The following MYH9 variants were observed in gnomAD, a reference collection of about 807,000 sequenced individuals.
The protein encoded by MYH9 is myosin-9.
MYH9 carries 29 observed loss-of-function variants against 241.9 expected under a neutral mutation model. That is an observed-to-expected ratio of 0.12 (90% CI 0.09 to 0.16). The LOEUF is 0.16. Ranked by LOEUF, MYH9 falls within the 10% of genes least tolerant of loss-of-function variation. The pLI, the probability that MYH9 is intolerant of heterozygous loss-of-function variation, is 1.00. For synonymous variants in MYH9, 1,047 were observed against 1,062.6 expected (o/e 0.99, Z 0.29); for missense variants, 1,803 against 2,595.5 (o/e 0.69, Z 6.63).
At chr22:36,343,046 G>A (rs1569536516) in intron 2 of MYH9, among the ~76,000 whole-genome samples, 1 of 152,202 alleles carries the variant, frequency 6.6e-6, no homozygotes, top group Non-Finnish European at 1.5e-5. Context: ...CCCTCCACCT[G>A]TGCCCTCTCC....
Position 36,302,641 on chromosome 22 carries a change from A to G in MYH9, c.2426T>C (p.Met809Thr). 6.2e-7 allele frequency: 1 copy of G among 1,613,552 alleles called. No individual in the cohort carries two copies. The part of the protein sequence containing the change: ...FAKRQQQLTA[M>T]KVLQRNCAAY... Reference sequence around the variant, plus strand: ...AGCGCAGTTCCGCTGGAGGACCTTCATGGCGGTAAGCTGCTGCTGCCGCTT... The same window carrying G: ...AGCGCAGTTCCGCTGGAGGACCTTCGTGGCGGTAAGCTGCTGCTGCCGCTT... The change falls in exon 20 of 41, where the codon ATG becomes ACG. Residue 809 changes from methionine to threonine, a missense_variant. Around this residue, in one of 11 missense-constraint regions of MYH9, gnomAD observed 72 missense variants for 83.3 expected, o/e 0.86. Coordinates refer to ENST00000216181, the MANE Select transcript of MYH9 (RefSeq NM_002473.6).
At position 36,282,542 on chromosome 22, in the gene MYH9, C is replaced by A. The variant is rs561715728; in HGVS notation, c.*126G>T. 1.1e-6 allele frequency: 1 copy of A among 909,548 alleles called. No homozygotes were observed. The highest frequency in any genetic ancestry group is 1.3e-5 in the South Asian group (1 of 77,198). 56.3% of individuals were successfully genotyped at this position (909,548 alleles called of 1,614,324 possible). ...AGGGAAACGGGATGGGGGGACGGGG[C>A]GGAGGGCAGGAGGAGGCATGTTCAC... is the stretch of plus-strand genomic sequence containing the variant. On this transcript the variant is annotated 3_prime_UTR_variant, in exon 41 of 41. Transcript: ENST00000216181.
At chr22:36,312,537 G>A (rs1287092697) in intron 13 of MYH9, among the ~76,000 whole-genome samples, 1 of 152,174 alleles carries the variant, frequency 6.6e-6, no homozygotes, top group Non-Finnish European at 1.5e-5. Context: ...AGTGCACTGG[G>A]GTCTGCCCAG....
intron 1 of MYH9, among the ~76,000 whole-genome samples, chr22:36,367,059 ACT>A (rs2018021788): frequency 6.6e-6 from 1 of 152,124 alleles, no homozygotes; most frequent in Admixed American, 6.5e-5. Context: ...GCTCGCAGAG[ACT>A]CTGCAGTGCG....
In MYH9 at chr22:36,306,353, C is replaced by T; in HGVS notation, c.2037+61G>A. 7 of 1,600,110 alleles carry T rather than the reference C, an allele frequency of 4.4e-6. No homozygotes were observed. The highest frequency in any genetic ancestry group is 6.0e-6 in the Non-Finnish European group (7 of 1,171,092). ...GGGGTGCTTTTGCTGGGGAGACAGA[C>T]AAGGGCTGAGCACCCCACACCACAG... is the stretch of plus-strand genomic sequence containing the variant. On this transcript the variant is annotated intron_variant, in intron 16 of 40. Coordinates refer to ENST00000216181, the MANE Select transcript of MYH9 (RefSeq NM_002473.6). The surrounding 1 kb of genome is among the most constrained non-coding windows in gnomAD (Gnocchi z 4.1).
At chr22:36,377,108 G>T (rs1346476842) in intron 1 of MYH9, among the ~76,000 whole-genome samples, 3 of 151,398 alleles carry the variant, frequency 2.0e-5, no homozygotes, top group Non-Finnish European at 4.4e-5. Flanking sequence ...AACCCCATTT[G>T]TGCAATAAGG....
intron 35 of MYH9, 155 bp from the exon 36 acceptor site, chr22:36,286,108 C>A (rs956048166): frequency 1.3e-6 from 1 of 745,706 alleles, no homozygotes; most frequent in Admixed American, 2.1e-5. Flanking sequence ...GGGCTGGTGC[C>A]CCCCTGAAGA....
chr22:36,376,569 G>A (rs1157364061), intron 1 of MYH9, among the ~76,000 whole-genome samples: 1 of 152,168 alleles, frequency 6.6e-6, no homozygotes, highest in African/African-American at 2.4e-5. Flanking sequence ...GGGAGTCTCT[G>A]CGGACTGACT....
At chr22:36,323,603 C>G (rs1017052723) in intron 5 of MYH9, among the ~76,000 whole-genome samples, 4 of 152,136 alleles carry the variant, frequency 2.6e-5, no homozygotes, top group African/African-American at 9.7e-5. Context: ...GCCATGGACC[C>G]TGGCCTTACA....
chr22:36,385,252 C>T (rs182703950), intron 1 of MYH9, among the ~76,000 whole-genome samples: 2 of 151,278 alleles, frequency 1.3e-5, no homozygotes. Context: ...CAGAGGAAAA[C>T]AACAGCCAAC....
chr22:36,302,761 G>A (rs1397717707), intron 19 of MYH9, 85 bp from the exon 20 acceptor site: 30 of 1,215,704 alleles, frequency 2.5e-5, no homozygotes, highest in Non-Finnish European at 3.5e-5. Context: ...AAGCTTTTCT[G>A]GGGGTCTACC....
chr22:36,310,604 T>C lies in MYH9; in HGVS notation c.1729-1208A>G, dbSNP rs189283787. Among the ~76,000 whole-genome samples, 4 of 152,344 alleles carry C rather than the reference T, an allele frequency of 2.6e-5. No homozygotes were observed. The East Asian group carries it at 7.7e-4, about 29-fold the overall frequency. On this transcript the variant is annotated intron_variant, in intron 14 of 40. Coordinates refer to ENST00000216181, the MANE Select transcript of MYH9 (RefSeq NM_002473.6). Reference sequence around the variant, plus strand: ...GTGCTCCCCTCAGCATGCAGGCGAATGCATGTTGCTGTTTATCATGAGGTA... The same window carrying C: ...GTGCTCCCCTCAGCATGCAGGCGAACGCATGTTGCTGTTTATCATGAGGTA...
At chr22:36,338,412 G>A (rs13058136) in intron 3 of MYH9, among the ~76,000 whole-genome samples, 1 of 152,156 alleles carries the variant, frequency 6.6e-6, no homozygotes, top group African/African-American at 2.4e-5. Flanking sequence ...TCAGACTGAG[G>A]GTTAGAAAAC....
intron 21 of MYH9, 74 bp from the exon 22 acceptor site, chr22:36,301,131 A>AT: frequency 2.1e-6 from 3 of 1,412,716 alleles, no homozygotes; most frequent in Non-Finnish European, 3.0e-6. Context: ...GACGGACGCC[A>AT]TGGCTCGGGA....
intron 6 of MYH9, 95 bp downstream of exon 6, chr22:36,322,334 T>G: frequency 1.5e-6 from 2 of 1,364,330 alleles, no homozygotes; most frequent in Non-Finnish European, 2.1e-6. Context: ...CCGTCCTCGG[T>G]TTTGAGGGGA....
At position 36,320,103 on chromosome 22, in the gene MYH9, C is replaced by G. The variant is rs1328944166; in HGVS notation, c.1012+117G>C. The G allele has an allele frequency of 7.1e-7, 1 of 1,417,154 alleles. No homozygotes were observed. Among genetic ancestry groups the G allele is most frequent in the Middle Eastern group, 1.8e-4 (1 of 5,622 alleles). The allele number at this position is 1,417,154 out of a possible 1,614,324, so 87.8% of individuals were successfully genotyped here. Reference sequence around the variant, plus strand: ...ATTTTCCCATACACTGAAGGCCTTCCCCTTCCCCTGGCCTCTAGCAGGCTC... The same window carrying G: ...ATTTTCCCATACACTGAAGGCCTTCGCCTTCCCCTGGCCTCTAGCAGGCTC... On this transcript the variant is annotated intron_variant, in intron 9 of 40. Coordinates refer to ENST00000216181, the MANE Select transcript of MYH9 (RefSeq NM_002473.6). This position sits in a 1 kb window ranked among gnomAD's most constrained non-coding sequence, Gnocchi z 4.8.
Position 36,294,131 on chromosome 22 carries a change from G to T in MYH9, c.3798C>A (p.Arg1266=). 6.2e-7 allele frequency: 1 copy of T among 1,611,520 alleles called. No individual in the cohort carries two copies. The change falls in exon 28 of 41, where the codon CGC becomes CGA. Residue 1266 remains arginine, a synonymous_variant. Coordinates refer to ENST00000216181, the MANE Select transcript of MYH9 (RefSeq NM_002473.6). ...ELQVKFNEGE[R]VRTELADKVT... Reference sequence around the variant, plus strand: ...CCTTGTCGGCCAGCTCTGTGCGCACGCGCTCTCCCTCGTTGAACTTGACCT... The same window carrying T: ...CCTTGTCGGCCAGCTCTGTGCGCACTCGCTCTCCCTCGTTGAACTTGACCT...
At chr22:36,284,011 T>G (rs1239662496) in intron 40 of MYH9, 82 bp downstream of exon 40, 2 of 1,550,434 alleles carry the variant, frequency 1.3e-6, no homozygotes, top group Non-Finnish European at 1.8e-6. Flanking sequence ...ATTCGTGCCT[T>G]GCTTGTGGGC....
At chr22:36,381,979 T>TTTG (rs540701479) in intron 1 of MYH9, among the ~76,000 whole-genome samples, 176 of 152,070 alleles carry the variant, frequency 1.2e-3, no homozygotes, top group African/African-American at 1.3e-3. Flanking sequence ...ACAACTTTCT[T>TTTG]TTGTTGTTGT....
Sources: gnomAD v4.1 joint callset for allele counts (sites outside exome capture counted in the v4.1 genomes callset) on GRCh38, gnomAD v4.1.1 for gene constraint, gnomAD v4.1.1 regional missense constraint, Gnocchi (gnomAD v3.1) non-coding constraint, MANE v1.5 for transcripts, NCBI Gene and HGNC (gene_info 2026-07-23, HGNC 2026-07-21) for gene names.